The following OSBPL6 variants were observed in gnomAD, a reference collection of about 807,000 sequenced individuals.
OSBPL6 encodes oxysterol binding protein like 6, also known as oxysterol-binding protein-related protein 6.
OSBPL6 carries 49 observed loss-of-function variants against 125.8 expected under a neutral mutation model. That is an observed-to-expected ratio of 0.39 (90% CI 0.31 to 0.49). The LOEUF (loss-of-function observed/expected upper bound fraction) is 0.49. Among genes scored for constraint, OSBPL6 ranks in the 20% least tolerant of loss-of-function variants. OSBPL6 has a pLI of 0.88. For missense variants in OSBPL6, 986 were observed against 1,135.4 expected (o/e 0.87, Z 1.89); for synonymous variants, 394 against 391.8 (o/e 1.01, Z -0.07).
chr2:178,352,533 G>T (rs966058544), intron 12 of OSBPL6, among the ~76,000 whole-genome samples: 2 of 152,188 alleles, frequency 1.3e-5, no homozygotes, highest in African/African-American at 4.8e-5. Context: ...ACTGGCTGGG[G>T]GAGGGGCATC....
chr2:178,370,526 T>C (rs912313523), intron 13 of OSBPL6, among the ~76,000 whole-genome samples: 14 of 152,170 alleles, frequency 9.2e-5, no homozygotes, highest in African/African-American at 3.1e-4. Flanking sequence ...TTTTTTCTAA[T>C]TCTAAGTGTT....
At chr2:178,387,717 C>T (rs1367760861) in intron 20 of OSBPL6, among the ~76,000 whole-genome samples, 2 of 152,088 alleles carry the variant, frequency 1.3e-5, no homozygotes, top group East Asian at 3.9e-4. Context: ...AATATTTGAA[C>T]ATGTAGGCCA....
At chr2:178,320,937 A>C (rs773538811) in intron 3 of OSBPL6, among the ~76,000 whole-genome samples, 5 of 152,134 alleles carry the variant, frequency 3.3e-5, no homozygotes, top group African/African-American at 7.2e-5. Flanking sequence ...AGGCGGGTGG[A>C]TCACAAAGTC....
At chr2:178,304,862 G>A (rs982361828) in intron 2 of OSBPL6, among the ~76,000 whole-genome samples, 13 of 152,112 alleles carry the variant, frequency 8.5e-5, no homozygotes, top group African/African-American at 3.1e-4. Context: ...CAGACACCCT[G>A]GTACTTAGTA....
At position 178,198,550 on chromosome 2, in the gene OSBPL6, G is replaced by A. The variant is rs1458674684; in HGVS notation, c.-351+3876G>A. 4.0e-5 allele frequency among the ~76,000 whole-genome samples: 6 copies of A among 150,912 alleles called. No homozygotes were observed. In the East Asian group the frequency reaches 9.9e-4, roughly 25 times the overall value. ...GACCTCATGAGGTCTGACCCAGGAG[G>A]CAGATGTTGCAGTGAGCCGAGATTG... On this transcript the variant is annotated intron_variant, in intron 1 of 24. Coordinates refer to ENST00000190611, the MANE Select transcript of OSBPL6 (RefSeq NM_032523.4).
intron 18 of OSBPL6, among the ~76,000 whole-genome samples, 190 bp downstream of exon 18, chr2:178,384,366 C>T (rs190219492): frequency 6.6e-6 from 1 of 152,186 alleles, no homozygotes; most frequent in Non-Finnish European, 1.5e-5. Context: ...CATGACACAG[C>T]CTCAGGAGGT....
intron 13 of OSBPL6, among the ~76,000 whole-genome samples, chr2:178,363,045 G>T (rs898714957): frequency 3.3e-5 from 5 of 152,148 alleles, no homozygotes; most frequent in African/African-American, 1.2e-4. Context: ...CAAAATATTG[G>T]TCAAGTAAAC....
In OSBPL6 at chr2:178,396,674, T is replaced by C. The variant is rs1480343741; in HGVS notation, c.*1115T>C. Reference sequence around the variant, plus strand: ...TTATTTGCATTGTTTAAATGAATTCTATGCAAAATCATATTTCAAATTTTC... The same window carrying C: ...TTATTTGCATTGTTTAAATGAATTCCATGCAAAATCATATTTCAAATTTTC... On this transcript the variant is annotated 3_prime_UTR_variant, in exon 25 of 25. Transcript: ENST00000190611. 6.6e-6 allele frequency: 1 copy of C among 152,272 alleles called. No homozygotes were observed. The highest frequency in any genetic ancestry group is 1.9e-4 in the East Asian group (1 of 5,208). 9.4% of individuals were successfully genotyped at this position (152,272 alleles called of 1,614,324 possible).
intron 1 of OSBPL6, among the ~76,000 whole-genome samples, chr2:178,216,499 G>A (rs2090099106): frequency 6.6e-6 from 1 of 152,222 alleles, no homozygotes; most frequent in African/African-American, 2.4e-5. Flanking sequence ...ATAAGCGGAG[G>A]TGAGAGAGAG....
intron 1 of OSBPL6, among the ~76,000 whole-genome samples, chr2:178,250,812 C>A (rs2091666767): frequency 6.6e-6 from 1 of 152,134 alleles, no homozygotes. Context: ...TGGTGCTGAA[C>A]CCAACTTGTA....
At chr2:178,300,661 A>C (rs1273877035) in intron 2 of OSBPL6, among the ~76,000 whole-genome samples, 1 of 152,202 alleles carries the variant, frequency 6.6e-6, no homozygotes, top group African/African-American at 2.4e-5. Context: ...GGGTTTCGCC[A>C]TGTTGGCCAG....
At chr2:178,359,404 G>A (rs1044144724) in intron 12 of OSBPL6, among the ~76,000 whole-genome samples, 64 of 152,280 alleles carry the variant, frequency 4.2e-4, no homozygotes, top group African/African-American at 1.3e-3. Flanking sequence ...CGAGACAAAT[G>A]TCGGCAAGGG....
chr2:178,398,485 C>T lies in OSBPL6; in HGVS notation c.*2926C>T, dbSNP rs990086051. 3.9e-5 allele frequency: 6 copies of T among 152,160 alleles called. No homozygotes were observed. The highest frequency in any genetic ancestry group is 7.3e-5 in the Non-Finnish European group (5 of 68,032). The allele number at this position is 152,160 out of a possible 1,614,324, so 9.4% of individuals were successfully genotyped here. On this transcript the variant is annotated 3_prime_UTR_variant, in exon 25 of 25. Transcript: ENST00000190611. ...TGGTAGAGGCTGACCAGAAGCTCAT[C>T]GATTCCATATGCTGTCACCCAGGGT...
At chr2:178,333,135 C>G in intron 8 of OSBPL6, 94 bp downstream of exon 8, 1 of 1,399,844 alleles carries the variant, frequency 7.1e-7, no homozygotes, top group South Asian at 1.2e-5. Context: ...GTAATCCCAG[C>G]ACTTTGGGAG....
intron 1 of OSBPL6, among the ~76,000 whole-genome samples, chr2:178,241,008 CT>C (rs1034552112): frequency 3.3e-5 from 5 of 151,726 alleles, no homozygotes; most frequent in East Asian, 1.9e-4. Context: ...GGACTACAAT[CT>C]TTTTTTTCTT....
chr2:178,255,585 ACT>A (rs2091858857), intron 1 of OSBPL6, among the ~76,000 whole-genome samples: 1 of 152,188 alleles, frequency 6.6e-6, no homozygotes, highest in Non-Finnish European at 1.5e-5. Flanking sequence ...ACTGGCTGAG[ACT>A]CTCTAAGCGT....
intron 1 of OSBPL6, among the ~76,000 whole-genome samples, chr2:178,224,475 G>C (rs1212408707): frequency 6.6e-6 from 1 of 152,188 alleles, no homozygotes; most frequent in African/African-American, 2.4e-5. Flanking sequence ...GTCTTTGATT[G>C]ACTCCTTTTT....
Position 178,349,402 on chromosome 2 carries a change from AT to A in OSBPL6, c.1153+14del, listed in dbSNP as rs529061227. 547 of 1,611,756 alleles carry A rather than the reference AT, an allele frequency of 3.4e-4. 10 individuals are homozygous for A. In the South Asian group the frequency reaches 5.1e-3, roughly 15 times the overall value. On this transcript the variant is annotated intron_variant, in intron 12 of 24. Coordinates refer to ENST00000190611, the MANE Select transcript of OSBPL6 (RefSeq NM_032523.4). ...ATCGCACAGAAAGGTAAGAACAAAA[AT>A]AATGCGCCCTTTAAAGAAGCTCTCT...
chr2:178,361,618 T>C, intron 12 of OSBPL6, 64 bp from the exon 13 acceptor site: 2 of 1,565,586 alleles, frequency 1.3e-6, no homozygotes, highest in Non-Finnish European at 1.7e-6. Context: ...TGGAGAAATT[T>C]ATAATGTTGT....
Sources: allele counts gnomAD v4.1 joint callset (sites outside exome capture counted in the v4.1 genomes callset), GRCh38; gene constraint gnomAD v4.1.1; transcripts MANE v1.5; gene names NCBI Gene and HGNC (gene_info 2026-07-23, HGNC 2026-07-21).